The following PAK5 variants were observed in gnomAD, a reference collection of about 807,000 sequenced individuals.
PAK5 encodes the protein p21 (RAC1) activated kinase 5, also known as serine/threonine-protein kinase PAK 5.
Under a neutral mutation model 65.9 loss-of-function variants are expected in PAK5, and 16 were observed. The observed-to-expected ratio is 0.24, with a 90% CI of 0.16 to 0.37. The LOEUF is 0.37. PAK5 is among the 10% of genes least tolerant of loss of function. The pLI is 1.00. For synonymous variants in PAK5, 371 were observed against 354.9 expected (o/e 1.05, Z -0.51); for missense variants, 785 against 903.9 (o/e 0.87, Z 1.69).
chr20:9,810,222 C>T (rs1034911299), intron 1 of PAK5, among the ~76,000 whole-genome samples: 6 of 152,084 alleles, frequency 3.9e-5, no homozygotes, highest in South Asian at 2.1e-4. Context: ...TTTGAAAGCA[C>T]CAAAGGTGAC....
intron 1 of PAK5, among the ~76,000 whole-genome samples, chr20:9,819,105 G>C (rs765425208): frequency 6.6e-6 from 1 of 152,150 alleles, no homozygotes; most frequent in Non-Finnish European, 1.5e-5. Flanking sequence ...TATATTTCAT[G>C]TTACCTTGTA....
Position 9,580,535 on chromosome 20 carries a change from G to C in PAK5, c.600C>G (p.His200Gln), listed in dbSNP as rs1290582545. 1.9e-6 allele frequency: 3 copies of C among 1,614,078 alleles called. No homozygotes were observed. The African/African-American group carries it at 4.0e-5, about 22-fold the overall frequency. Residue 200 changes from histidine to glutamine, a missense_variant, in exon 4 of 10, where the codon CAC (histidine) becomes CAG (glutamine). By Grantham distance (24) the His-to-Gln change is conservative. Transcript: ENST00000353224. ...GTTTGCTCAGTGAGTCCAAATGTGA[G>C]TGATAATCGGCAGAAAATCTGGCAA... is the stretch of plus-strand genomic sequence containing the variant. The part of the protein sequence containing the change: ...SDFARFSADY[H>Q]SHLDSLSKPS...
intron 6 of PAK5, among the ~76,000 whole-genome samples, chr20:9,560,962 A>G (rs1397027488): frequency 2.6e-5 from 4 of 152,174 alleles, no homozygotes; most frequent in African/African-American, 9.6e-5. Flanking sequence ...CATTTCTAAC[A>G]AGCTCCCAGG....
At chr20:9,781,233 T>A (rs2048937423) in intron 1 of PAK5, among the ~76,000 whole-genome samples, 1 of 152,116 alleles carries the variant, frequency 6.6e-6, no homozygotes, top group South Asian at 2.1e-4. Flanking sequence ...GAGAGAAAGG[T>A]ATGCATAATT....
chr20:9,653,621 C>T (rs1191112409), intron 2 of PAK5, among the ~76,000 whole-genome samples: 1 of 152,252 alleles, frequency 6.6e-6, no homozygotes, highest in East Asian at 1.9e-4. Flanking sequence ...CAATTCCTAT[C>T]CATTCTGCTC....
At chr20:9,811,489 A>G (rs999975728) in intron 1 of PAK5, among the ~76,000 whole-genome samples, 2 of 152,176 alleles carry the variant, frequency 1.3e-5, no homozygotes, top group Non-Finnish European at 2.9e-5. Flanking sequence ...AATAATACAG[A>G]GTGAGAACAG....
intron 1 of PAK5, among the ~76,000 whole-genome samples, chr20:9,819,361 A>G (rs972043428): frequency 3.3e-5 from 5 of 152,176 alleles, no homozygotes; most frequent in Non-Finnish European, 7.4e-5. Context: ...ACAAGAGGAT[A>G]GGGCTAAAGA....
intron 4 of PAK5, among the ~76,000 whole-genome samples, chr20:9,577,023 C>T (rs888645690): frequency 7.2e-5 from 11 of 152,188 alleles, no homozygotes; most frequent in East Asian, 3.8e-4. Flanking sequence ...AAATACATGG[C>T]GGCAATTTCT....
intron 2 of PAK5, among the ~76,000 whole-genome samples, chr20:9,684,758 A>G (rs756523554): frequency 3.3e-5 from 5 of 152,186 alleles, no homozygotes; most frequent in African/African-American, 7.2e-5. Context: ...GCCTCTTAAT[A>G]GCTTTTCCTC....
chr20:9,794,078 C>G (rs2123722344), intron 1 of PAK5, among the ~76,000 whole-genome samples: 1 of 150,924 alleles, frequency 6.6e-6, no homozygotes, highest in Middle Eastern at 3.4e-3. Context: ...AACACAGGAA[C>G]AGAAGAGCAA....
intron 3 of PAK5, among the ~76,000 whole-genome samples, chr20:9,604,999 A>G (rs527828448): frequency 6.6e-5 from 10 of 152,316 alleles, no homozygotes; most frequent in African/African-American, 2.4e-4. Context: ...ACTTTAGTGC[A>G]GGTTCTTTAT....
chr20:9,618,550 G>A (rs1373737741), intron 3 of PAK5, among the ~76,000 whole-genome samples: 2 of 151,618 alleles, frequency 1.3e-5, no homozygotes, highest in Non-Finnish European at 2.9e-5. Context: ...GAGATTGCAG[G>A]CATGTGCCAC....
chr20:9,719,535 T>C lies in PAK5; in HGVS notation c.-161-8100A>G, dbSNP rs868563438. Among the ~76,000 whole-genome samples the C allele has an allele frequency of 9.2e-5, 14 of 152,120 alleles. No individual in the cohort carries two copies. The East Asian group carries it at 9.6e-4, about 10-fold the overall frequency. ...CTATTATCACATTACTGCTTTTTTT[T>C]CCCCATTTAGAGAGCAATTTATAAT... On this transcript the variant is annotated intron_variant, in intron 1 of 9. Transcript: ENST00000353224.
At chr20:9,833,476 C>T (rs930051651) in intron 1 of PAK5, among the ~76,000 whole-genome samples, 1 of 150,250 alleles carries the variant, frequency 6.7e-6, no homozygotes, top group Non-Finnish European at 1.5e-5. Flanking sequence ...CATACCACCT[C>T]ATCCCACCAC....
intron 1 of PAK5, among the ~76,000 whole-genome samples, chr20:9,819,530 A>G (rs2049395116): frequency 6.6e-6 from 1 of 152,108 alleles, no homozygotes; most frequent in Admixed American, 6.6e-5. Flanking sequence ...ATATTGCTCA[A>G]TTTTACTTTT....
At chr20:9,640,439 A>G (rs950895895) in intron 3 of PAK5, among the ~76,000 whole-genome samples, 1 of 151,774 alleles carries the variant, frequency 6.6e-6, no homozygotes, top group Non-Finnish European at 1.5e-5. Context: ...TATGTGCAAC[A>G]TTTTCTTGAT....
chr20:9,631,425 C>T (rs1478477714), intron 3 of PAK5, among the ~76,000 whole-genome samples: 2 of 152,170 alleles, frequency 1.3e-5, no homozygotes, highest in East Asian at 1.9e-4. Flanking sequence ...AGCAGACTAG[C>T]TCTTGCTTTC....
intron 3 of PAK5, among the ~76,000 whole-genome samples, chr20:9,635,418 G>T (rs1020262347): frequency 9.9e-5 from 15 of 152,136 alleles, no homozygotes; most frequent in African/African-American, 3.6e-4. Context: ...TTTCAAAAGT[G>T]CCCCGTGCCA....
At chr20:9,764,853 A>G (rs944429192) in intron 1 of PAK5, among the ~76,000 whole-genome samples, 3 of 152,132 alleles carry the variant, frequency 2.0e-5, no homozygotes, top group Non-Finnish European at 4.4e-5. Context: ...CCATTTTAGG[A>G]TCTTTAAAAA....
Sources: allele counts gnomAD v4.1 joint callset (sites outside exome capture counted in the v4.1 genomes callset), GRCh38; gene constraint gnomAD v4.1.1; transcripts MANE v1.5; gene names NCBI Gene and HGNC (gene_info 2026-07-23, HGNC 2026-07-21).